NRXN1: variants seen among roughly 807,000 people sequenced by gnomAD.
NRXN1 encodes neurexin 1.
Under a neutral mutation model 150.9 loss-of-function variants are expected in NRXN1, and 39 were observed. The ratio of observed to expected loss-of-function variants is 0.26; its 90% CI spans 0.20 to 0.34. The LOEUF is 0.34. Ranked by LOEUF, NRXN1 falls within the 10% of genes least tolerant of loss-of-function variation. The pLI, the probability that NRXN1 is intolerant of heterozygous loss-of-function variation, is 1.00. For missense variants in NRXN1, 1,815 were observed against 1,949.9 expected (o/e 0.93, Z 1.30); for synonymous variants, 924 against 757.0 (o/e 1.22, Z -3.62).
At chr2:50,988,988 T>C (rs1026336677) in intron 2 of NRXN1, among the ~76,000 whole-genome samples, 1 of 151,806 alleles carries the variant, frequency 6.6e-6, no homozygotes, top group Non-Finnish European at 1.5e-5. Flanking sequence ...CCTTTCCCAC[T>C]TTTTCCCCCC....
intron 17 of NRXN1, among the ~76,000 whole-genome samples, chr2:50,253,252 C>T (rs1350673712): frequency 6.6e-6 from 1 of 152,072 alleles, no homozygotes; most frequent in Non-Finnish European, 1.5e-5. Context: ...GATTTCTGCA[C>T]ATTGATTTTG....
intron 8 of NRXN1, among the ~76,000 whole-genome samples, chr2:50,607,362 G>C (rs1677301976): frequency 1.3e-5 from 2 of 152,198 alleles, no homozygotes; most frequent in South Asian, 4.2e-4. Flanking sequence ...AGTTTAGAGA[G>C]GTGCCGTACT....
intron 18 of NRXN1, among the ~76,000 whole-genome samples, chr2:50,096,309 C>T (rs1162440229): frequency 6.6e-6 from 1 of 152,024 alleles, no homozygotes; most frequent in Non-Finnish European, 1.5e-5. Flanking sequence ...ATTTATAAGA[C>T]CGGTATTTAC....
chr2:50,801,143 G>C (rs910612385), intron 5 of NRXN1, among the ~76,000 whole-genome samples: 1 of 151,966 alleles, frequency 6.6e-6, no homozygotes, highest in African/African-American at 2.4e-5. Context: ...TTTATAAGAA[G>C]CAACTGATTC....
chr2:50,903,380 T>C (rs1683214975), intron 5 of NRXN1, among the ~76,000 whole-genome samples: 1 of 152,190 alleles, frequency 6.6e-6, no homozygotes, highest in Non-Finnish European at 1.5e-5. Flanking sequence ...GACATTAACA[T>C]GGTTCAAATA....
chr2:50,114,806 A>C (rs1409993221), intron 18 of NRXN1, among the ~76,000 whole-genome samples: 1 of 152,076 alleles, frequency 6.6e-6, no homozygotes, highest in Non-Finnish European at 1.5e-5. Context: ...ACATTCTGGA[A>C]AAGGATAAAC....
chr2:50,922,194 A>C (rs184925664), intron 4 of NRXN1, among the ~76,000 whole-genome samples: 20 of 151,966 alleles, frequency 1.3e-4, no homozygotes, highest in Admixed American at 9.8e-4. Context: ...GGAACACTAT[A>C]CTCAGCATTC....
At chr2:50,293,790 G>T (rs1267308478) in intron 17 of NRXN1, among the ~76,000 whole-genome samples, 1 of 152,116 alleles carries the variant, frequency 6.6e-6, no homozygotes, top group African/African-American at 2.4e-5. Flanking sequence ...GTAAACTTGC[G>T]AGTTCAATGA....
chr2:50,987,458 A>T (rs1697900963), intron 2 of NRXN1, among the ~76,000 whole-genome samples: 1 of 151,866 alleles, frequency 6.6e-6, no homozygotes, highest in African/African-American at 2.4e-5. Flanking sequence ...ATTTGTGGTG[A>T]CATATTTTGA....
intron 5 of NRXN1, among the ~76,000 whole-genome samples, chr2:50,788,065 A>G (rs1426810066): frequency 6.6e-6 from 1 of 151,112 alleles, no homozygotes; most frequent in Non-Finnish European, 1.5e-5. Flanking sequence ...CCAGTTTTCT[A>G]TCTTGCCTGC....
At chr2:50,244,979 T>C (rs116145706) in intron 17 of NRXN1, among the ~76,000 whole-genome samples, 1,880 of 152,052 alleles carry the variant, frequency 0.012, 38 homozygotes, top group African/African-American at 0.043. Flanking sequence ...TAGGTCAAAG[T>C]CATGTAAATA....
intron 5 of NRXN1, among the ~76,000 whole-genome samples, chr2:50,659,131 T>C (rs1376048591): frequency 6.6e-6 from 1 of 152,018 alleles, no homozygotes; most frequent in African/African-American, 2.4e-5. Context: ...GAGGTATGAC[T>C]ACTGTTCCAT....
At chr2:50,935,045 G>C (rs1469858803) in intron 2 of NRXN1, among the ~76,000 whole-genome samples, 1 of 152,084 alleles carries the variant, frequency 6.6e-6, no homozygotes, top group Non-Finnish European at 1.5e-5. Context: ...TGCCCAATTA[G>C]ATCATTTATC....
intron 5 of NRXN1, among the ~76,000 whole-genome samples, chr2:50,814,817 T>G (rs771467427): frequency 6.6e-6 from 1 of 152,186 alleles, no homozygotes; most frequent in Non-Finnish European, 1.5e-5. Context: ...TATATTGAAA[T>G]TCTGTATTTT....
intron 5 of NRXN1, among the ~76,000 whole-genome samples, chr2:50,896,163 C>T (rs965181193): frequency 6.6e-6 from 1 of 152,070 alleles, no homozygotes; most frequent in Non-Finnish European, 1.5e-5. Flanking sequence ...AATTGCATAT[C>T]AATGTTTCTA....
At chr2:50,501,954 C>A (rs1291586457) in intron 13 of NRXN1, among the ~76,000 whole-genome samples, 2 of 152,160 alleles carry the variant, frequency 1.3e-5, no homozygotes, top group Non-Finnish European at 2.9e-5. Flanking sequence ...CTAGTACCTT[C>A]CTTGCAGAAA....
chr2:50,888,687 T>C lies in NRXN1; in HGVS notation c.832+33182A>G, dbSNP rs1041256404. Among the ~76,000 whole-genome samples the C allele has an allele frequency of 3.3e-5, 5 of 151,666 alleles. No individual in the cohort carries two copies. The Admixed American group carries it at 3.3e-4, about 10-fold the overall frequency. On this transcript the variant is annotated intron_variant, in intron 5 of 22. Transcript: ENST00000401669. Reference sequence around the variant, plus strand: ...CTTGAATTTTATGCCAAAATATGTTTTGACAATGATAATTTCTAATTGCCC... The same window carrying C: ...CTTGAATTTTATGCCAAAATATGTTCTGACAATGATAATTTCTAATTGCCC...
intron 17 of NRXN1, among the ~76,000 whole-genome samples, chr2:50,401,588 A>G (rs1367053579): frequency 6.6e-6 from 1 of 152,034 alleles, no homozygotes; most frequent in African/African-American, 2.4e-5. Context: ...TACTAGATGA[A>G]TTCAGCTGGG....
chr2:50,587,461 G>T (rs1165502655), intron 8 of NRXN1, among the ~76,000 whole-genome samples: 2 of 151,360 alleles, frequency 1.3e-5, no homozygotes, highest in African/African-American at 4.8e-5. Context: ...CTATAGCCTG[G>T]GTGACAAAGC....
Sources: gnomAD v4.1 joint callset for allele counts (sites outside exome capture counted in the v4.1 genomes callset) on GRCh38, gnomAD v4.1.1 for gene constraint, MANE v1.5 for transcripts, NCBI Gene and HGNC (gene_info 2026-07-23, HGNC 2026-07-21) for gene names.